The following CPNE4 variants were observed in gnomAD, a reference collection of about 807,000 sequenced individuals.
The protein encoded by CPNE4 is copine-4.
In CPNE4, 25 loss-of-function variants were observed where a neutral mutation model predicts 67.9. The ratio of observed to expected loss-of-function variants is 0.37; its 90% CI spans 0.27 to 0.51. The LOEUF (loss-of-function observed/expected upper bound fraction) is 0.51, where lower values mean the gene tolerates loss of function less well. Among genes scored for constraint, CPNE4 ranks in the 20% least tolerant of loss-of-function variants. The pLI, the probability that CPNE4 is intolerant of heterozygous loss-of-function variation, is 0.93. For synonymous variants in CPNE4, 242 were observed against 244.9 expected, an observed-to-expected ratio of 0.99 and a Z score of 0.11; for missense variants, 464 against 690.8, an observed-to-expected ratio of 0.67 and a Z score of 3.68.
At chr3:131,837,272 T>C (rs1360400226) in intron 2 of CPNE4, among the ~76,000 whole-genome samples, 1 of 152,138 alleles carries the variant, frequency 6.6e-6, no homozygotes, top group Non-Finnish European at 1.5e-5. Context: ...ACATAAATGT[T>C]CATCACCTCA....
intron 1 of CPNE4, among the ~76,000 whole-genome samples, chr3:132,012,173 G>C (rs200715217): frequency 7.3e-6 from 1 of 136,158 alleles, no homozygotes; most frequent in African/African-American, 2.8e-5. Flanking sequence ...TTGCTTTTTC[G>C]TTTTTTTTTT....
intron 3 of CPNE4, among the ~76,000 whole-genome samples, chr3:131,703,532 A>C (rs898396527): frequency 1.3e-5 from 2 of 152,190 alleles, no homozygotes; most frequent in African/African-American, 4.8e-5. Flanking sequence ...ATGGCTTCTA[A>C]CAGCATGGGT....
At chr3:131,752,848 T>C (rs890264539) in intron 2 of CPNE4, among the ~76,000 whole-genome samples, 3 of 152,054 alleles carry the variant, frequency 2.0e-5, no homozygotes, top group Non-Finnish European at 4.4e-5. Flanking sequence ...ACGAATTTAG[T>C]GCAATTGTAA....
At chr3:131,901,562 G>C (rs573289991) in intron 2 of CPNE4, among the ~76,000 whole-genome samples, 1 of 151,738 alleles carries the variant, frequency 6.6e-6, no homozygotes, top group Admixed American at 6.6e-5. Flanking sequence ...AAATATTTCC[G>C]GCCAGGCATG....
At chr3:131,720,888 C>T (rs1560179574) in intron 3 of CPNE4, among the ~76,000 whole-genome samples, 1 of 152,194 alleles carries the variant, frequency 6.6e-6, no homozygotes, top group Admixed American at 6.5e-5. Flanking sequence ...ATGCCAAACT[C>T]CTTCCTGAAT....
chr3:131,792,921 G>C (rs78815196), intron 2 of CPNE4, among the ~76,000 whole-genome samples: 6 of 58,392 alleles, frequency 1.0e-4, no homozygotes, highest in East Asian at 5.9e-4. Flanking sequence ...GTGTGTGTGT[G>C]TGTGTATCTC....
intron 1 of CPNE4, among the ~76,000 whole-genome samples, chr3:131,911,732 C>A (rs911802121): frequency 6.6e-6 from 1 of 152,114 alleles, no homozygotes; most frequent in Non-Finnish European, 1.5e-5. Flanking sequence ...TATGGAGATA[C>A]TAAAGACAAA....
intron 3 of CPNE4, among the ~76,000 whole-genome samples, chr3:131,722,378 T>G (rs2081908983): frequency 6.6e-6 from 1 of 152,128 alleles, no homozygotes; most frequent in Non-Finnish European, 1.5e-5. Flanking sequence ...TGTTAAAGCT[T>G]CATCAATTTC....
chr3:132,011,012 G>A (rs1418721688), intron 1 of CPNE4, among the ~76,000 whole-genome samples: 1 of 152,148 alleles, frequency 6.6e-6, no homozygotes, highest in African/African-American at 2.4e-5. Flanking sequence ...AAGCTCCAAG[G>A]CTAGAAAATA....
At chr3:131,804,591 C>T (rs1337121795) in intron 2 of CPNE4, among the ~76,000 whole-genome samples, 1 of 152,170 alleles carries the variant, frequency 6.6e-6, no homozygotes, top group African/African-American at 2.4e-5. Context: ...TACAATGTGA[C>T]TTTCAATTCA....
intron 2 of CPNE4, among the ~76,000 whole-genome samples, chr3:131,750,139 T>C (rs2082589360): frequency 1.3e-5 from 2 of 152,200 alleles, no homozygotes; most frequent in Non-Finnish European, 2.9e-5. Flanking sequence ...AATTAGTATA[T>C]GAATTTGGAA....
rs116680042 is a variant in CPNE4 at position 131,773,181 on chromosome 3, C to T, written c.181-49556G>A. Among the ~76,000 whole-genome samples the T allele has an allele frequency of 8.0e-3, 1,212 of 151,940 alleles. 17 individuals are homozygous for T. The highest frequency in any genetic ancestry group is 0.026 in the African/African-American group (1,089 of 41,448). On this transcript the variant is annotated intron_variant, in intron 2 of 15. Coordinates refer to ENST00000429747, the MANE Select transcript of CPNE4 (RefSeq NM_130808.3). ...TAGTATAATAAAGAAAAACTAGCCA[C>T]GGTTTGTTAGGCCAGCATTTTCATA... is the stretch of plus-strand genomic sequence containing the variant.
intron 10 of CPNE4, 40 bp downstream of exon 10, chr3:131,575,031 C>A: frequency 6.3e-7 from 1 of 1,576,304 alleles, no homozygotes; most frequent in East Asian, 2.2e-5. Context: ...TCTCTTGATT[C>A]CTGAATAAGA....
In CPNE4 at chr3:131,587,050, A is replaced by G. The variant is rs76063585; in HGVS notation, c.780+434T>C. On this transcript the variant is annotated intron_variant, in intron 8 of 15. Transcript: ENST00000429747. Reference sequence around the variant, plus strand: ...GAAGGAATACTACTGTTAATAGCAGATATTTTGGAAATGCTAGCTATGTGC... The same window carrying G: ...GAAGGAATACTACTGTTAATAGCAGGTATTTTGGAAATGCTAGCTATGTGC... 4.8e-3 allele frequency among the ~76,000 whole-genome samples: 733 copies of G among 152,314 alleles called. 6 individuals are homozygous for G. Among genetic ancestry groups the G allele is most frequent in the Non-Finnish European group, 7.4e-3 (501 of 68,034 alleles).
intron 1 of CPNE4, among the ~76,000 whole-genome samples, chr3:132,028,877 A>C (rs1394030736): frequency 1.3e-5 from 2 of 151,714 alleles, no homozygotes; most frequent in African/African-American, 4.9e-5. Flanking sequence ...TATCGATTAC[A>C]TGATTTTTTA....
At chr3:131,860,903 T>C (rs1021892939) in intron 2 of CPNE4, among the ~76,000 whole-genome samples, 2 of 152,206 alleles carry the variant, frequency 1.3e-5, no homozygotes, top group African/African-American at 4.8e-5. Context: ...GAGAAAAAAG[T>C]GCTCTGTCCG....
chr3:131,624,767 C>G (rs2079023439), intron 7 of CPNE4, among the ~76,000 whole-genome samples: 1 of 151,096 alleles, frequency 6.6e-6, no homozygotes, highest in Non-Finnish European at 1.5e-5. Context: ...AACGTTTCTC[C>G]TAAGACTGGT....
chr3:131,862,541 T>A (rs1221763748), intron 2 of CPNE4, among the ~76,000 whole-genome samples: 1 of 152,088 alleles, frequency 6.6e-6, no homozygotes, highest in Non-Finnish European at 1.5e-5. Context: ...CTAAAATTCT[T>A]ATATGACATT....
At chr3:131,757,315 G>A (rs2082775302) in intron 2 of CPNE4, among the ~76,000 whole-genome samples, 1 of 152,190 alleles carries the variant, frequency 6.6e-6, no homozygotes, top group South Asian at 2.1e-4. Context: ...GGCTGAGGTG[G>A]TCTCAGATGG....
Sources: gnomAD v4.1 joint callset for allele counts (sites outside exome capture counted in the v4.1 genomes callset) on GRCh38, gnomAD v4.1.1 for gene constraint, MANE v1.5 for transcripts, NCBI Gene and HGNC (gene_info 2026-07-23, HGNC 2026-07-21) for gene names.